The following SOS1 variants were observed in gnomAD, a reference collection of about 807,000 sequenced individuals.
The protein encoded by SOS1 is SOS Ras/Rac guanine nucleotide exchange factor 1, also known as son of sevenless homolog 1.
A neutral mutation model predicts 157.6 loss-of-function variants in SOS1; 25 were observed. The ratio of observed to expected loss-of-function variants is 0.16; its 90% confidence interval spans 0.12 to 0.22. The LOEUF (loss-of-function observed/expected upper bound fraction) is 0.22. SOS1 is among the 10% of genes least tolerant of loss of function. SOS1 has a pLI of 1.00. For synonymous variants in SOS1, 528 were observed against 534.0 expected (o/e 0.99, Z 0.16); for missense variants, 1,237 against 1,599.1 (o/e 0.77, Z 3.86).
chr2:39,090,858 G>T (rs190279000), intron 1 of SOS1, among the ~76,000 whole-genome samples: 1 of 136,488 alleles, frequency 7.3e-6, no homozygotes. Context: ...AACATTTTTT[G>T]TTGTTGTTGT....
chr2:39,031,900 CTT>C (rs1243151278), intron 8 of SOS1, among the ~76,000 whole-genome samples: 1 of 152,134 alleles, frequency 6.6e-6, no homozygotes, highest in Non-Finnish European at 1.5e-5. Flanking sequence ...AAAAAATTAA[CTT>C]TAACTTTTCA....
intron 1 of SOS1, among the ~76,000 whole-genome samples, chr2:39,095,536 C>T (rs1219643734): frequency 6.6e-6 from 1 of 152,246 alleles, no homozygotes; most frequent in Non-Finnish European, 1.5e-5. Flanking sequence ...AGGCTACATT[C>T]GAAAGTTTGT....
At chr2:39,019,589 A>G (rs1005036406) in intron 10 of SOS1, among the ~76,000 whole-genome samples, 3 of 151,734 alleles carry the variant, frequency 2.0e-5, no homozygotes, top group Admixed American at 2.0e-4. Context: ...GAGACAAGCT[A>G]TAAATTAGAT....
At chr2:39,115,234 CAT>C (rs1195404502) in intron 1 of SOS1, among the ~76,000 whole-genome samples, 2 of 151,966 alleles carry the variant, frequency 1.3e-5, no homozygotes, top group Admixed American at 1.3e-4. Flanking sequence ...GATAAGTAAA[CAT>C]AAAAAGCCTC....
rs541864587 is a variant in SOS1 at position 39,105,200 on chromosome 2, A to C, written c.87+15136T>G. Among the ~76,000 whole-genome samples, 101 of 152,340 alleles carry C rather than the reference A, an allele frequency of 6.6e-4. 1 individual carries two copies. Among genetic ancestry groups the C allele is most frequent in the African/African-American group, 2.3e-3 (94 of 41,578 alleles). ...CATTAAAAAAGAACAACTGAAATTT[A>C]AGTTAGCTTACTACAAAAAGTTTGT... On this transcript the variant is annotated intron_variant, in intron 1 of 22. Coordinates refer to ENST00000402219, the MANE Select transcript of SOS1 (RefSeq NM_005633.4).
At chr2:39,124,867 A>G (rs1674018311), upstream of SOS1, among the ~76,000 whole-genome samples, 1 of 151,556 alleles carries the variant, frequency 6.6e-6, no homozygotes, top group Non-Finnish European at 1.5e-5. Context: ...TTTTTCTCTA[A>G]TGCCGCCCAC....
chr2:39,031,269 A>G (rs952505865), intron 8 of SOS1, among the ~76,000 whole-genome samples: 4 of 152,222 alleles, frequency 2.6e-5, no homozygotes, highest in African/African-American at 9.6e-5. Context: ...GCATACAAGA[A>G]AAAGAATAGG....
In SOS1 at chr2:38,997,254, T is replaced by C. The variant is rs751249845; in HGVS notation, c.2963A>G (p.Lys988Arg). Residue 988 changes from lysine to arginine, a missense_variant and splice_region_variant, in exon 18 of 23, where the codon AAA (lysine) becomes AGA (arginine). Around this residue, in one of 15 missense-constraint regions of SOS1, gnomAD observed 34 missense variants for 28.1 expected, o/e 1.21. Transcript: ENST00000402219. ...GAATCTTTAAATAATTCAACTTACT[T>C]TGATATCTGATTCTACTCGTAAACA... ...PYCLRVESDI[K>R]RFFENLNPMG... 6.2e-7 allele frequency: 1 copy of C among 1,603,034 alleles called. No individual in the cohort carries two copies. The highest frequency in any genetic ancestry group is 8.5e-7 in the Non-Finnish European group (1 of 1,170,684).
chr2:39,008,690 T>C (rs922627250), intron 15 of SOS1, among the ~76,000 whole-genome samples: 2 of 152,176 alleles, frequency 1.3e-5, no homozygotes, highest in African/African-American at 2.4e-5. Context: ...TTATTTTGTA[T>C]AGCATTTATG....
intron 1 of SOS1, among the ~76,000 whole-genome samples, chr2:39,098,691 C>T (rs1431286954): frequency 6.6e-6 from 1 of 152,116 alleles, no homozygotes; most frequent in Non-Finnish European, 1.5e-5. Flanking sequence ...AGATCAAGGC[C>T]ATCCTGTCTA....
At chr2:39,092,433 T>A (rs1558509737) in intron 1 of SOS1, among the ~76,000 whole-genome samples, 2 of 152,250 alleles carry the variant, frequency 1.3e-5, no homozygotes, top group Non-Finnish European at 2.9e-5. Context: ...TGTCACCTCC[T>A]CAGAGAGGCT....
intron 6 of SOS1, among the ~76,000 whole-genome samples, chr2:39,046,334 C>T (rs1376048863): frequency 6.6e-6 from 1 of 151,974 alleles, no homozygotes; most frequent in Non-Finnish European, 1.5e-5. Flanking sequence ...AATACAAGTC[C>T]ACTTTACATA....
intron 10 of SOS1, among the ~76,000 whole-genome samples, chr2:39,015,088 C>T (rs752022286): frequency 6.6e-5 from 10 of 152,050 alleles, no homozygotes; most frequent in Non-Finnish European, 1.2e-4. Context: ...TGATCTTAAA[C>T]TCATCGGCCA....
chr2:39,090,868 TTTTG>T (rs1024718663), intron 1 of SOS1, among the ~76,000 whole-genome samples: 8 of 152,054 alleles, frequency 5.3e-5, no homozygotes, highest in South Asian at 2.1e-4. Flanking sequence ...GTTGTTGTTG[TTTTG>T]TTTGTTTGTT....
At chr2:39,052,861 C>T (rs1671070388) in intron 5 of SOS1, among the ~76,000 whole-genome samples, 1 of 152,086 alleles carries the variant, frequency 6.6e-6, no homozygotes, top group Admixed American at 6.5e-5. Context: ...TTATAAAGAA[C>T]TGCCAAACTG....
intron 8 of SOS1, among the ~76,000 whole-genome samples, chr2:39,033,591 A>G (rs1453023337): frequency 2.0e-5 from 3 of 152,138 alleles, no homozygotes; most frequent in African/African-American, 7.2e-5. Flanking sequence ...GCTGGAGTAC[A>G]GAGGCGTGGT....
At chr2:39,107,473 T>C (rs1441806393) in intron 1 of SOS1, among the ~76,000 whole-genome samples, 1 of 152,056 alleles carries the variant, frequency 6.6e-6, no homozygotes, top group Non-Finnish European at 1.5e-5. Flanking sequence ...CTTCCTTCCT[T>C]ACCTCTCTTT....
chr2:38,987,727 T>A, intron 21 of SOS1, 136 bp from the exon 22 acceptor site: 2 of 645,148 alleles, frequency 3.1e-6, no homozygotes, highest in South Asian at 3.5e-5. Context: ...AATAAACCAA[T>A]ACCGAATAGT....
chr2:39,079,541 T>G (rs1672132011), intron 1 of SOS1, among the ~76,000 whole-genome samples: 1 of 124,910 alleles, frequency 8.0e-6, no homozygotes, highest in South Asian at 2.6e-4. Context: ...GTCGCCCAGG[T>G]TGGAGTGTAG....
Sources: allele counts gnomAD v4.1 joint callset (sites outside exome capture counted in the v4.1 genomes callset), GRCh38; gene constraint gnomAD v4.1.1; regional missense constraint gnomAD v4.1.1; transcripts MANE v1.5; gene names NCBI Gene and HGNC (gene_info 2026-07-23, HGNC 2026-07-21).